Variants in KCNH5 observed in about 807,000 individuals in gnomAD.
The protein encoded by KCNH5 is potassium voltage-gated channel subfamily H member 5, also known as voltage-gated delayed rectifier potassium channel KCNH5.
Under a neutral mutation model 96.1 loss-of-function variants are expected in KCNH5, and 46 were observed. The ratio of observed to expected loss-of-function variants is 0.48; its 90% CI spans 0.38 to 0.61. The LOEUF (loss-of-function observed/expected upper bound fraction) is 0.61, where lower values mean the gene tolerates loss of function less well. KCNH5 is among the 20% of genes least tolerant of loss of function. KCNH5 has a pLI of 0.00. For synonymous variants in KCNH5, 439 were observed against 449.8 expected, an observed-to-expected ratio of 0.98 and a Z score of 0.30; for missense variants, 907 against 1,225.8, an observed-to-expected ratio of 0.74 and a Z score of 3.88.
intron 10 of KCNH5, among the ~76,000 whole-genome samples, chr14:62,724,157 A>G (rs139779493): frequency 5.6e-4 from 86 of 152,332 alleles, no homozygotes; most frequent in African/African-American, 2.0e-3. Flanking sequence ...GTAAAAGTCT[A>G]TTAGAAATAG....
At chr14:62,998,862 G>A (rs947943469) in intron 4 of KCNH5, among the ~76,000 whole-genome samples, 1 of 152,056 alleles carries the variant, frequency 6.6e-6, no homozygotes, top group Non-Finnish European at 1.5e-5. Context: ...TTATGGCCCA[G>A]AATGTTATCT....
intron 6 of KCNH5, among the ~76,000 whole-genome samples, chr14:62,970,077 T>G (rs143331262): frequency 2.0e-5 from 2 of 101,770 alleles, no homozygotes; most frequent in South Asian, 2.8e-4. Flanking sequence ...AAAAATTAAA[T>G]CAATAAGCCT....
chr14:62,936,490 C>T (rs184707458), intron 7 of KCNH5, among the ~76,000 whole-genome samples: 89 of 151,278 alleles, frequency 5.9e-4, no homozygotes, highest in African/African-American at 2.1e-3. Context: ...GCCTAGGCAA[C>T]ATGGTGAACC....
intron 10 of KCNH5, among the ~76,000 whole-genome samples, chr14:62,773,420 G>A (rs1452101166): frequency 6.6e-6 from 1 of 151,872 alleles, no homozygotes; most frequent in Non-Finnish European, 1.5e-5. Flanking sequence ...CCTGTGTACT[G>A]AGAATAACCC....
At chr14:62,743,588 C>T (rs1041204208) in intron 10 of KCNH5, among the ~76,000 whole-genome samples, 20 of 151,884 alleles carry the variant, frequency 1.3e-4, no homozygotes, top group Non-Finnish European at 2.5e-4. Context: ...AAATCTAATA[C>T]GGGAAAGCAT....
chr14:63,035,388 C>G (rs887922390), intron 1 of KCNH5, among the ~76,000 whole-genome samples: 1 of 152,180 alleles, frequency 6.6e-6, no homozygotes, highest in Non-Finnish European at 1.5e-5. Flanking sequence ...ATTCACAATC[C>G]AGTTAATTTT....
chr14:62,886,520 C>T lies in KCNH5; in HGVS notation c.1370-36668G>A, dbSNP rs114408909. On this transcript the variant is annotated intron_variant, in intron 7 of 10. Coordinates refer to ENST00000322893, the MANE Select transcript of KCNH5 (RefSeq NM_139318.5). ...AGTGGGGTGTGCATGTGTCTGGAAGCCCACAATGATTGTGATACCAGTTGA... is the reference window on the plus strand; with the variant it reads ...AGTGGGGTGTGCATGTGTCTGGAAGTCCACAATGATTGTGATACCAGTTGA... 3.9e-3 allele frequency among the ~76,000 whole-genome samples: 591 copies of T among 152,198 alleles called. 3 individuals are homozygous for T. The highest frequency in any genetic ancestry group is 0.013 in the African/African-American group (533 of 41,518).
intron 7 of KCNH5, among the ~76,000 whole-genome samples, chr14:62,911,356 G>A (rs971218873): frequency 1.4e-5 from 2 of 146,928 alleles, no homozygotes; most frequent in African/African-American, 2.5e-5. Flanking sequence ...TCGGCTCACT[G>A]CAAGCTCCAC....
chr14:63,002,682 T>A (rs944722342), intron 3 of KCNH5, among the ~76,000 whole-genome samples: 6 of 152,122 alleles, frequency 3.9e-5, no homozygotes, highest in Middle Eastern at 3.2e-3. Context: ...CAAAGGGGAA[T>A]TTTTCATTTA....
Position 62,700,168 on chromosome 14 carries a change from G to A in KCNH5, c.*7340C>T, listed in dbSNP as rs975449151. 1 of 152,146 alleles carries A rather than the reference G, an allele frequency of 6.6e-6. No homozygotes were observed. The highest frequency in any genetic ancestry group is 1.5e-5 in the Non-Finnish European group (1 of 68,008). The allele number at this position is 152,146 out of a possible 1,614,324, so 9.4% of individuals were successfully genotyped here. A position where few individuals can be genotyped will look rare whatever the true frequency, so the allele number is the denominator to read the frequency against. On this transcript the variant is annotated 3_prime_UTR_variant, in exon 11 of 11. Transcript: ENST00000322893. ...AAGTCACTAGAACATAGACTAAAAA[G>A]AACTCTATAATTTTCAATATATCGT... is the stretch of plus-strand genomic sequence containing the variant.
At chr14:62,709,519 T>C (rs1285053850) in intron 10 of KCNH5, among the ~76,000 whole-genome samples, 3 of 152,286 alleles carry the variant, frequency 2.0e-5, no homozygotes, top group East Asian at 3.9e-4. Flanking sequence ...ACTAAAAGGT[T>C]AAGATAGAAG....
Position 62,707,788 on chromosome 14 carries a change from T to A in KCNH5, c.2687A>T (p.His896Leu). ...EHSPIQADAK[H>L]PFYPIPEQAL... is the part of the protein sequence containing the mutation. Reference sequence around the variant, plus strand: ...CTGCTCGGGGATGGGATAAAAGGGGTGCTTGGCATCAGCCTGGATGGGACT... The same window carrying A: ...CTGCTCGGGGATGGGATAAAAGGGGAGCTTGGCATCAGCCTGGATGGGACT... Residue 896 changes from histidine to leucine, a missense_variant, in exon 11 of 11, where the codon CAC becomes CTC. Physicochemically the swap from His to Leu is moderately conservative, Grantham distance 99. Coordinates refer to ENST00000322893, the MANE Select transcript of KCNH5 (RefSeq NM_139318.5). The A allele has an allele frequency of 6.2e-7, 1 of 1,614,134 alleles. No homozygotes were observed. Among genetic ancestry groups the A allele is most frequent in the Non-Finnish European group, 8.5e-7 (1 of 1,180,022 alleles).
chr14:62,794,991 G>A (rs1886509817), intron 9 of KCNH5, among the ~76,000 whole-genome samples: 3 of 152,226 alleles, frequency 2.0e-5, no homozygotes, highest in South Asian at 2.1e-4. Flanking sequence ...CTGGGGATCC[G>A]TGATGGAGAA....
intron 1 of KCNH5, among the ~76,000 whole-genome samples, chr14:63,036,609 T>C (rs770058135): frequency 6.6e-6 from 1 of 152,062 alleles, no homozygotes; most frequent in Non-Finnish European, 1.5e-5. Context: ...CCTGTATACC[T>C]TTGGAAATAC....
Position 62,705,567 on chromosome 14 carries a change from CTTCCATTATGGTTAATGGAAG to C in KCNH5, c.*1920_*1940del, listed in dbSNP as rs1884413704. On this transcript the variant is annotated 3_prime_UTR_variant, in exon 11 of 11. Coordinates refer to ENST00000322893, the MANE Select transcript of KCNH5 (RefSeq NM_139318.5). ...ACATGGAGACGTGTTCCCCTGAAAA[CTTCCATTATGGTTAATGGAAG>C]TTATACGCATAAAGAAAGGAAAATG... The C allele has an allele frequency of 6.6e-6, 1 of 151,964 alleles. No individual in the cohort carries two copies. The highest frequency in any genetic ancestry group is 6.6e-5 in the Admixed American group (1 of 15,260). The allele number at this position is 151,964 out of a possible 1,614,324, so 9.4% of individuals were successfully genotyped here. A position where few individuals can be genotyped will look rare whatever the true frequency, so the allele number is the denominator to read the frequency against.
At chr14:62,972,931 AT>A (rs1365506827) in intron 6 of KCNH5, among the ~76,000 whole-genome samples, 3 of 152,192 alleles carry the variant, frequency 2.0e-5, no homozygotes, top group Non-Finnish European at 2.9e-5. Context: ...GTAATGGAGG[AT>A]ACTTGTCATC....
At chr14:62,822,145 T>G (rs912168271) in intron 8 of KCNH5, among the ~76,000 whole-genome samples, 4 of 152,164 alleles carry the variant, frequency 2.6e-5, no homozygotes, top group Non-Finnish European at 4.4e-5. Flanking sequence ...TGTGGAGAGA[T>G]ATACCATGTT....
intron 10 of KCNH5, among the ~76,000 whole-genome samples, chr14:62,720,377 G>A (rs559775283): frequency 1.3e-5 from 2 of 150,468 alleles, no homozygotes; most frequent in Admixed American, 1.3e-4. Flanking sequence ...GATAGAAGAA[G>A]AGATACTAAT....
intron 9 of KCNH5, among the ~76,000 whole-genome samples, chr14:62,782,755 G>A (rs1293140239): frequency 2.0e-5 from 3 of 152,118 alleles, no homozygotes; most frequent in Non-Finnish European, 4.4e-5. Context: ...AGCTTGCAGT[G>A]AGCTGAGATT....
Sources: allele counts gnomAD v4.1 joint callset (sites outside exome capture counted in the v4.1 genomes callset), GRCh38; gene constraint gnomAD v4.1.1; transcripts MANE v1.5; gene names NCBI Gene and HGNC (gene_info 2026-07-23, HGNC 2026-07-21).